The following ATG10 variants were observed in gnomAD, a reference collection of about 807,000 sequenced individuals.
ATG10 encodes autophagy related 10, also known as ubiquitin-like-conjugating enzyme ATG10.
In ATG10, 30 loss-of-function variants were observed where a neutral mutation model predicts 32.1. The observed-to-expected ratio is 0.94, with a 90% CI of 0.70 to 1.27. ATG10 has a LOEUF of 1.27. ATG10 is among the 50% of genes most tolerant of loss of function. ATG10 has a pLI of 0.00. For missense variants in ATG10, 233 were observed against 262.3 expected (o/e 0.89, Z 0.77); for synonymous variants, 87 against 91.5 (o/e 0.95, Z 0.28).
chr5:82,252,701 TTAAAAGTG>T (rs1747316648), intron 6 of ATG10, 42 bp downstream of exon 6: 1 of 1,188,136 alleles, frequency 8.4e-7, no homozygotes, highest in African/African-American at 1.6e-5. Flanking sequence ...TACTCTGATT[TTAAAAGTG>T]TAAATCTTTT....
At chr5:82,202,432 C>G (rs1319371901) in intron 5 of ATG10, among the ~76,000 whole-genome samples, 1 of 152,192 alleles carries the variant, frequency 6.6e-6, no homozygotes, top group East Asian at 1.9e-4. Flanking sequence ...CCCCTGCAGA[C>G]TTTTGACTTG....
chr5:82,131,991 C>A (rs1316568422), intron 3 of ATG10, among the ~76,000 whole-genome samples: 1 of 151,990 alleles, frequency 6.6e-6, no homozygotes, highest in Non-Finnish European at 1.5e-5. Context: ...AAATGCCACA[C>A]ATTTAACAAG....
intron 5 of ATG10, among the ~76,000 whole-genome samples, chr5:82,193,346 G>T (rs1364183542): frequency 6.6e-6 from 1 of 152,162 alleles, no homozygotes; most frequent in African/African-American, 2.4e-5. Context: ...TCATCAATAG[G>T]CTCATTTTCT....
chr5:81,975,376 C>G lies in ATG10; in HGVS notation c.-13+3070C>G, dbSNP rs114036137. On this transcript the variant is annotated intron_variant, in intron 1 of 7. Transcript: ENST00000282185. ...TGAAGGCAAAGACTGTATTATACTTCTTTTTGAAAGTCTCTTAAACCAAGG... is the reference window on the plus strand; with the variant it reads ...TGAAGGCAAAGACTGTATTATACTTGTTTTTGAAAGTCTCTTAAACCAAGG... Among the ~76,000 whole-genome samples, 1,298 of 152,226 alleles carry G rather than the reference C, an allele frequency of 8.5e-3. 17 individuals carry two copies. The highest frequency in any genetic ancestry group is 0.029 in the African/African-American group (1,223 of 41,538).
chr5:82,227,191 T>TGAAA (rs1746166287), intron 5 of ATG10, among the ~76,000 whole-genome samples: 1 of 152,022 alleles, frequency 6.6e-6, no homozygotes, highest in Admixed American at 6.6e-5. Flanking sequence ...AGATTTTCCT[T>TGAAA]GTTCCCCTCC....
At chr5:82,050,076 C>T (rs1763361531) in intron 2 of ATG10, among the ~76,000 whole-genome samples, 1 of 152,044 alleles carries the variant, frequency 6.6e-6, no homozygotes, top group South Asian at 2.1e-4. Context: ...TATATTTATA[C>T]ACATTTATAT....
chr5:82,202,278 C>T (rs904268296), intron 5 of ATG10, among the ~76,000 whole-genome samples: 1 of 152,068 alleles, frequency 6.6e-6, no homozygotes, highest in Non-Finnish European at 1.5e-5. Context: ...GATTAATATT[C>T]AGATCAGTAG....
chr5:82,237,023 T>C (rs960047942), intron 5 of ATG10, among the ~76,000 whole-genome samples: 2 of 152,170 alleles, frequency 1.3e-5, no homozygotes, highest in African/African-American at 4.8e-5. Context: ...TTTAAAACTA[T>C]AAAGTACGAT....
intron 3 of ATG10, among the ~76,000 whole-genome samples, chr5:82,152,224 T>C (rs1481039218): frequency 6.6e-6 from 1 of 152,258 alleles, no homozygotes; most frequent in African/African-American, 2.4e-5. Flanking sequence ...GACAGGGTTC[T>C]TTATGAAGAG....
intron 5 of ATG10, among the ~76,000 whole-genome samples, chr5:82,181,559 T>C (rs1744232321): frequency 2.0e-5 from 3 of 152,220 alleles, no homozygotes; most frequent in East Asian, 1.9e-4. Context: ...GGGGAGAAGA[T>C]GATACAGCAC....
intron 3 of ATG10, among the ~76,000 whole-genome samples, chr5:82,064,545 C>T (rs1003858183): frequency 6.6e-6 from 1 of 151,992 alleles, no homozygotes; most frequent in Non-Finnish European, 1.5e-5. Context: ...ATGACTTTAA[C>T]AGGTTCTCTT....
chr5:82,111,132 A>C (rs1308363907), intron 3 of ATG10, among the ~76,000 whole-genome samples: 1 of 151,914 alleles, frequency 6.6e-6, no homozygotes, highest in Non-Finnish European at 1.5e-5. Context: ...GTTTGTTACA[A>C]TGGTATTTTT....
chr5:82,037,245 T>C (rs1762955598), intron 2 of ATG10, among the ~76,000 whole-genome samples: 2 of 59,432 alleles, frequency 3.4e-5, no homozygotes, highest in Non-Finnish European at 6.7e-5. Flanking sequence ...TTTTTTTTTT[T>C]TTTTTTTTTT....
Position 81,983,543 on chromosome 5 carries a change from C to G in ATG10, c.-12-4016C>G, listed in dbSNP as rs1269436251. Among the ~76,000 whole-genome samples the G allele has an allele frequency of 1.2e-3, 158 of 130,884 alleles. 2 individuals carry two copies. The highest frequency in any genetic ancestry group is 2.5e-3 in the Admixed American group (34 of 13,466). The allele number at this position is 130,884 out of a possible 152,430, so 85.9% of individuals were successfully genotyped here. On this transcript the variant is annotated intron_variant, in intron 1 of 7. Transcript: ENST00000282185. The stretch of plus-strand genomic sequence containing the variant: ...CCCCCACCTCCCTCCCGGATGGGGC[C>G]GCTGGCCGGGCAGAGGGGCTCCTCA...
chr5:82,178,718 A>G (rs1744126900), intron 5 of ATG10, 131 bp downstream of exon 5: 1 of 575,792 alleles, frequency 1.7e-6, no homozygotes, highest in South Asian at 2.9e-5. Flanking sequence ...TTTCACCTCA[A>G]AGACAGTTTC....
At chr5:82,089,200 G>C (rs1397924878) in intron 3 of ATG10, among the ~76,000 whole-genome samples, 1 of 151,948 alleles carries the variant, frequency 6.6e-6, no homozygotes, top group Admixed American at 6.6e-5. Context: ...AAATTAGCTG[G>C]GCATGGTGGT....
At chr5:82,056,250 T>C (rs968559396) in intron 2 of ATG10, among the ~76,000 whole-genome samples, 10 of 152,030 alleles carry the variant, frequency 6.6e-5, no homozygotes, top group African/African-American at 2.4e-4. Context: ...ACCCAACCCA[T>C]TGGGTGAAGC....
intron 5 of ATG10, among the ~76,000 whole-genome samples, chr5:82,236,709 T>G (rs1581836558): frequency 6.6e-6 from 1 of 152,280 alleles, no homozygotes; most frequent in East Asian, 1.9e-4. Context: ...GTTTTGTTTG[T>G]TTGTTGTTGT....
At chr5:82,080,634 G>T (rs1472053495) in intron 3 of ATG10, among the ~76,000 whole-genome samples, 1 of 152,020 alleles carries the variant, frequency 6.6e-6, no homozygotes, top group Admixed American at 6.6e-5. Context: ...TTTCCCCATT[G>T]CTTGTTTTTC....
Sources: gnomAD v4.1 joint callset for allele counts (sites outside exome capture counted in the v4.1 genomes callset) on GRCh38, gnomAD v4.1.1 for gene constraint, MANE v1.5 for transcripts, NCBI Gene and HGNC (gene_info 2026-07-23, HGNC 2026-07-21) for gene names.